The following DGKB variants were observed in gnomAD, a reference collection of about 807,000 sequenced individuals.
DGKB encodes the protein 90 kDa diacylglycerol kinase.
DGKB carries 67 observed loss-of-function variants against 114.3 expected under a neutral mutation model. That is an observed-to-expected ratio of 0.59 (90% CI 0.48 to 0.72). The LOEUF is 0.72. DGKB is among the 30% of genes least tolerant of loss of function. DGKB has a pLI of 0.00. For synonymous variants in DGKB, 398 were observed against 323.1 expected (o/e 1.23, Z -2.49); for missense variants, 907 against 975.2 (o/e 0.93, Z 0.93).
intron 2 of DGKB, among the ~76,000 whole-genome samples, chr7:14,776,767 G>A (rs1367442663): frequency 1.3e-5 from 2 of 152,220 alleles, no homozygotes; most frequent in African/African-American, 4.8e-5. Flanking sequence ...AGGGAAAAGT[G>A]GGGTTAGAGC....
intron 1 of DGKB, among the ~76,000 whole-genome samples, chr7:14,852,487 C>CAAAAAAAAAACAACAAAAAAAA (rs1554304256): frequency 7.9e-5 from 5 of 63,616 alleles, no homozygotes; most frequent in Non-Finnish European, 1.5e-4. Flanking sequence ...TAGTGAAAGT[C>CAAAAAAAAAACAACAAAAAAAA]AAAAAAAAAA....
At chr7:14,851,472 G>C (rs572617060) in intron 1 of DGKB, among the ~76,000 whole-genome samples, 27 of 152,162 alleles carry the variant, frequency 1.8e-4, no homozygotes, top group Admixed American at 1.4e-3. Context: ...TCTATCCATA[G>C]GGATAGAATC....
At chr7:14,683,489 T>A (rs1434525883) in intron 10 of DGKB, among the ~76,000 whole-genome samples, 2 of 152,126 alleles carry the variant, frequency 1.3e-5, no homozygotes, top group African/African-American at 4.8e-5. Flanking sequence ...CAAATATATG[T>A]ATCTATGTAT....
chr7:14,342,445 T>C (rs1284759383), intron 22 of DGKB, among the ~76,000 whole-genome samples: 11 of 151,896 alleles, frequency 7.2e-5, no homozygotes, highest in Non-Finnish European at 2.9e-5. Flanking sequence ...TAAACATTGG[T>C]TTTAAAATAT....
chr7:14,300,119 C>G (rs1254811550), intron 23 of DGKB, among the ~76,000 whole-genome samples: 1 of 152,026 alleles, frequency 6.6e-6, no homozygotes, highest in East Asian at 1.9e-4. Flanking sequence ...TATAAAAGAG[C>G]TCCCGTGTAG....
At chr7:14,813,078 T>A (rs1257038748) in intron 2 of DGKB, among the ~76,000 whole-genome samples, 3 of 152,154 alleles carry the variant, frequency 2.0e-5, no homozygotes, top group Non-Finnish European at 4.4e-5. Flanking sequence ...AAAGTAGACT[T>A]TTCTCTAACT....
rs1463865051 is a variant in DGKB at position 14,720,509 on chromosome 7, G to A, written c.323-1824C>T. Among the ~76,000 whole-genome samples the A allele has an allele frequency of 3.2e-5, 4 of 123,738 alleles. No individual in the cohort carries two copies. The South Asian group carries it at 8.2e-4, about 25-fold the overall frequency. 81.2% of individuals were successfully genotyped at this position (123,738 alleles called of 152,430 possible). On this transcript the variant is annotated intron_variant, in intron 5 of 25. Coordinates refer to ENST00000402815, the MANE Select transcript of DGKB (RefSeq NM_001350709.2). ...TGTGTGTGTGTGTGTGTGTGTGTGT[G>A]TGTGTGTGTATGTTTAGTAGAGATG...
rs777351216 is a variant in DGKB at position 14,145,928 on chromosome 7, C to T, written c.*3203G>A. ...AAAATTGCAACTACTTCCCATATGC[C>T]TAAAAAACGAAAACAAAATAAAATG... is the stretch of plus-strand genomic sequence containing the variant. On this transcript the variant is annotated 3_prime_UTR_variant, in exon 26 of 26. Transcript: ENST00000402815. The T allele has an allele frequency of 6.6e-6, 1 of 152,076 alleles. No individual in the cohort carries two copies. The highest frequency in any genetic ancestry group is 1.5e-5 in the Non-Finnish European group (1 of 68,024). 9.4% of individuals were successfully genotyped at this position (152,076 alleles called of 1,614,324 possible).
At chr7:14,684,119 T>A (rs1450240847) in intron 10 of DGKB, among the ~76,000 whole-genome samples, 1 of 152,188 alleles carries the variant, frequency 6.6e-6, no homozygotes, top group African/African-American at 2.4e-5. Flanking sequence ...ATGTTACACA[T>A]GGCAAATTTC....
At chr7:14,931,157 G>A (rs976529994) in intron 1 of DGKB, among the ~76,000 whole-genome samples, 1 of 150,332 alleles carries the variant, frequency 6.7e-6, no homozygotes, top group African/African-American at 2.5e-5. Flanking sequence ...TGTCGCCCAG[G>A]CTAGAGTGCA....
At chr7:14,812,101 T>C (rs985311250) in intron 2 of DGKB, among the ~76,000 whole-genome samples, 1 of 152,190 alleles carries the variant, frequency 6.6e-6, no homozygotes, top group Admixed American at 6.5e-5. Flanking sequence ...TTCATTCATG[T>C]TGTAGTATGT....
intron 20 of DGKB, among the ~76,000 whole-genome samples, chr7:14,567,670 G>A (rs1043574285): frequency 3.4e-5 from 5 of 145,582 alleles, no homozygotes; most frequent in East Asian, 2.0e-4. Flanking sequence ...GCAGTGGTGC[G>A]ATCTCGGCTC....
In DGKB at chr7:14,718,532, A is replaced by C. The variant is rs200571285; in HGVS notation, c.466+10T>G. ...ATCACGATAAGTAAACAAAATGAAG[A>C]AACACATACACTCAAGCTTATCCTC... On this transcript the variant is annotated intron_variant, in intron 6 of 25. Transcript: ENST00000402815. 1.3e-5 allele frequency: 20 copies of C among 1,597,250 alleles called. No homozygotes were observed. The highest frequency in any genetic ancestry group is 1.5e-5 in the Non-Finnish European group (18 of 1,174,244).
At chr7:14,602,461 G>T (rs1236886785) in intron 17 of DGKB, among the ~76,000 whole-genome samples, 1 of 152,144 alleles carries the variant, frequency 6.6e-6, no homozygotes, top group Non-Finnish European at 1.5e-5. Flanking sequence ...AGTGCCCAAA[G>T]CAATAGTATT....
At chr7:14,645,946 CTT>C (rs1243837899) in intron 13 of DGKB, among the ~76,000 whole-genome samples, 3 of 152,112 alleles carry the variant, frequency 2.0e-5, no homozygotes, top group East Asian at 3.9e-4. Flanking sequence ...CAAAAAATAA[CTT>C]AAGAGAGAAA....
chr7:14,916,364 T>G lies in DGKB; in HGVS notation c.-188+58332A>C, dbSNP rs1184045864. ...CAATCCCATTATATAAATAGTCATT[T>G]TTAATATGATTGATCTAAATACATA... On this transcript the variant is annotated intron_variant, in intron 1 of 4. Transcript: ENST00000437998. 2.0e-5 allele frequency among the ~76,000 whole-genome samples: 3 copies of G among 152,090 alleles called. No individual in the cohort carries two copies. In the East Asian group the frequency reaches 5.8e-4, roughly 29 times the overall value.
intron 20 of DGKB, among the ~76,000 whole-genome samples, chr7:14,489,946 G>C (rs1349084682): frequency 1.3e-5 from 2 of 152,168 alleles, no homozygotes; most frequent in Non-Finnish European, 2.9e-5. Context: ...GCTGGATAGT[G>C]TGGTGGAACC....
At chr7:14,187,058 G>A (rs1783553761) in intron 23 of DGKB, among the ~76,000 whole-genome samples, 2 of 152,092 alleles carry the variant, frequency 1.3e-5, no homozygotes, top group South Asian at 4.1e-4. Flanking sequence ...AGTGATGGAA[G>A]AGAAAAAAGT....
At chr7:14,689,199 A>AT (rs551618345) in intron 9 of DGKB, among the ~76,000 whole-genome samples, 2,549 of 76,314 alleles carry the variant, frequency 0.033, 239 homozygotes, top group African/African-American at 0.054. Context: ...AACTCCTCTT[A>AT]TTTTTTTTTT....
Sources: allele counts gnomAD v4.1 joint callset (sites outside exome capture counted in the v4.1 genomes callset), GRCh38; gene constraint gnomAD v4.1.1; transcripts MANE v1.5; gene names NCBI Gene and HGNC (gene_info 2026-07-23, HGNC 2026-07-21).